The following MAPK1IP1L variants were observed in gnomAD, a reference collection of about 807,000 sequenced individuals.
MAPK1IP1L encodes the protein mitogen-activated protein kinase 1 interacting protein 1 like.
A neutral mutation model predicts 18.1 loss-of-function variants in MAPK1IP1L; 10 were observed. The ratio of observed to expected loss-of-function variants is 0.55; its 90% CI spans 0.34 to 0.94. The LOEUF is 0.94. MAPK1IP1L is among the 40% of genes least tolerant of loss of function. The pLI is 0.02. For synonymous variants in MAPK1IP1L, 115 were observed against 117.3 expected (o/e 0.98, Z 0.13); for missense variants, 260 against 318.2 (o/e 0.82, Z 1.39).
intron 1 of MAPK1IP1L, among the ~76,000 whole-genome samples, chr14:55,055,990 G>A (rs1241890756): frequency 6.6e-6 from 1 of 152,018 alleles, no homozygotes; most frequent in African/African-American, 2.4e-5. Context: ...TAATATGTTC[G>A]GACCTTAGGT....
At position 55,067,563 on chromosome 14, in the gene MAPK1IP1L, C is replaced by G. The variant is rs1287172150; in HGVS notation, c.*2936C>G. 3 of 152,064 alleles carry G rather than the reference C, an allele frequency of 2.0e-5. No individual in the cohort carries two copies. Among genetic ancestry groups the G allele is most frequent in the Non-Finnish European group, 4.4e-5 (3 of 68,072 alleles). The allele number at this position is 152,064 out of a possible 1,614,324, so 9.4% of individuals were successfully genotyped here. A position where few individuals can be genotyped will look rare whatever the true frequency, so the allele number is the denominator to read the frequency against. Reference sequence around the variant, plus strand: ...AGCTGGGATTACAGGTGCCCGCCACCACACCCATTTTTGTATTTTTAGTAG... The same window carrying G: ...AGCTGGGATTACAGGTGCCCGCCACGACACCCATTTTTGTATTTTTAGTAG... On this transcript the variant is annotated 3_prime_UTR_variant, in exon 4 of 4. Coordinates refer to ENST00000395468, the MANE Select transcript of MAPK1IP1L (RefSeq NM_144578.4).
At chr14:55,056,914 G>A (rs922438288) in intron 1 of MAPK1IP1L, among the ~76,000 whole-genome samples, 2 of 152,116 alleles carry the variant, frequency 1.3e-5, no homozygotes, top group Non-Finnish European at 2.9e-5. Context: ...ATCATAATTA[G>A]AAATAAGATG....
chr14:55,057,117 A>G (rs2042778258), intron 1 of MAPK1IP1L, among the ~76,000 whole-genome samples: 1 of 152,232 alleles, frequency 6.6e-6, no homozygotes, highest in Non-Finnish European at 1.5e-5. Context: ...TTAAAATCTC[A>G]AACTAAAAAT....
rs1418050403 is a variant in MAPK1IP1L, at chr14:55,066,865, G to C, written c.*2238G>C. 1 of 151,218 alleles carries C rather than the reference G, an allele frequency of 6.6e-6. No homozygotes were observed. The highest frequency in any genetic ancestry group is 2.4e-5 in the African/African-American group (1 of 41,062). 9.4% of individuals were successfully genotyped at this position (151,218 alleles called of 1,614,324 possible). A position where few individuals can be genotyped will look rare whatever the true frequency, so the allele number is the denominator to read the frequency against. On this transcript the variant is annotated 3_prime_UTR_variant, in exon 4 of 4. Transcript: ENST00000395468. ...ATCATACTGCTATTGTACTCCCTTTGTTTTCAAGGACTTTGCAACTGGTAT... is the reference window on the plus strand; with the variant it reads ...ATCATACTGCTATTGTACTCCCTTTCTTTTCAAGGACTTTGCAACTGGTAT...
At chr14:55,062,319 A>G (rs1002414990) in intron 2 of MAPK1IP1L, among the ~76,000 whole-genome samples, 6 of 152,242 alleles carry the variant, frequency 3.9e-5, no homozygotes, top group South Asian at 4.1e-4. Flanking sequence ...TGTTAGTTCT[A>G]TCTTCTTAAT....
rs1305440648 is a variant in MAPK1IP1L, at chr14:55,069,269, G to A, written c.*4642G>A. ...CACTGACAGTAATGACAAATTTAAT[G>A]TATGTAATTGTCTATGCATTTTAAG... is the stretch of plus-strand genomic sequence containing the variant. On this transcript the variant is annotated 3_prime_UTR_variant, in exon 4 of 4. Transcript: ENST00000395468. 1 of 152,580 alleles carries A rather than the reference G, an allele frequency of 6.6e-6. No individual in the cohort carries two copies. The highest frequency in any genetic ancestry group is 1.5e-5 in the Non-Finnish European group (1 of 68,026). 9.5% of individuals were successfully genotyped at this position (152,580 alleles called of 1,614,324 possible).
intron 1 of MAPK1IP1L, among the ~76,000 whole-genome samples, chr14:55,056,772 G>A (rs189566221): frequency 6.6e-6 from 1 of 152,194 alleles, no homozygotes; most frequent in Non-Finnish European, 1.5e-5. Flanking sequence ...GCCTCCCAAA[G>A]TGCTGGGATT....
intron 1 of MAPK1IP1L, among the ~76,000 whole-genome samples, chr14:55,061,014 A>C (rs1276870204): frequency 1.3e-5 from 2 of 152,008 alleles, no homozygotes. Flanking sequence ...GCTGGGCATG[A>C]TGGCACACAC....
At chr14:55,064,411 A>C (rs2042846181) in intron 3 of MAPK1IP1L, among the ~76,000 whole-genome samples, 1 of 152,134 alleles carries the variant, frequency 6.6e-6, no homozygotes, top group African/African-American at 2.4e-5. Context: ...AGTACCCCTA[A>C]AACTTCCTCC....
At chr14:55,053,132 G>A (rs1566761150) in intron 1 of MAPK1IP1L, among the ~76,000 whole-genome samples, 1 of 152,184 alleles carries the variant, frequency 6.6e-6, no homozygotes, top group Non-Finnish European at 1.5e-5. Flanking sequence ...AAAGATTTAT[G>A]GACCTAAAAG....
chr14:55,063,516 TC>T (rs2042837014), intron 3 of MAPK1IP1L, among the ~76,000 whole-genome samples, 191 bp downstream of exon 3: 1 of 152,064 alleles, frequency 6.6e-6, no homozygotes, highest in Non-Finnish European at 1.5e-5. Context: ...TTTTAAGTAT[TC>T]CTTGTGCTAA....
intron 1 of MAPK1IP1L, chr14:55,060,673 G>A (rs2042811168): frequency 6.6e-6 from 1 of 152,214 alleles, no homozygotes; most frequent in African/African-American, 2.4e-5. Flanking sequence ...TTGGAAAAGA[G>A]CATGAGTAAA....
In MAPK1IP1L at chr14:55,068,413, A is replaced by G. The variant is rs1371087466; in HGVS notation, c.*3786A>G. 1 of 152,632 alleles carries G rather than the reference A, an allele frequency of 6.6e-6. No individual in the cohort carries two copies. Among genetic ancestry groups the G allele is most frequent in the Non-Finnish European group, 1.5e-5 (1 of 68,034 alleles). 9.5% of individuals were successfully genotyped at this position (152,632 alleles called of 1,614,324 possible). On this transcript the variant is annotated 3_prime_UTR_variant, in exon 4 of 4. Transcript: ENST00000395468. ...AGCTCTACTCAGAGTTTTTGTCAAG[A>G]CTGTGCCTGGGTTGAATATCAGTCA... is the stretch of plus-strand genomic sequence containing the variant.
chr14:55,054,177 C>CTTTTTT (rs371063665), intron 1 of MAPK1IP1L, among the ~76,000 whole-genome samples: 4 of 127,268 alleles, frequency 3.1e-5, no homozygotes, highest in African/African-American at 8.6e-5. Context: ...TTTATATTTT[C>CTTTTTT]TTTTTTTTTT....
chr14:55,057,015 C>G (rs1002711216), intron 1 of MAPK1IP1L, among the ~76,000 whole-genome samples: 2 of 152,178 alleles, frequency 1.3e-5, no homozygotes, highest in Non-Finnish European at 2.9e-5. Flanking sequence ...ACTGAAAAGT[C>G]TTTTGAGGGA....
rs771095452 is a variant in MAPK1IP1L, at chr14:55,051,667, G to T, written c.-141G>T. 3 of 514,386 alleles carry T rather than the reference G, an allele frequency of 5.8e-6. No homozygotes were observed. Among genetic ancestry groups the T allele is most frequent in the Non-Finnish European group, 7.7e-6 (2 of 258,788 alleles). 31.9% of individuals were successfully genotyped at this position (514,386 alleles called of 1,614,324 possible). The stretch of plus-strand genomic sequence containing the variant: ...TCGGCGCTTCCTGTTCCGGCGCCAG[G>T]AGGAGCCGCGCGCTGCTGGTGCTGT... On this transcript the variant is annotated 5_prime_UTR_variant, in exon 1 of 4. Transcript: ENST00000395468.
At chr14:55,063,521 G>A (rs2042837060) in intron 3 of MAPK1IP1L, among the ~76,000 whole-genome samples, 196 bp downstream of exon 3, 1 of 151,962 alleles carries the variant, frequency 6.6e-6, no homozygotes. Flanking sequence ...AGTATTCCTT[G>A]TGCTAAAAAG....
chr14:55,053,229 A>G, intron 1 of MAPK1IP1L, among the ~76,000 whole-genome samples: 1 of 152,216 alleles, frequency 6.6e-6, no homozygotes, highest in Non-Finnish European at 1.5e-5. Flanking sequence ...GTTTTACAGC[A>G]AATCTATGAT....
In MAPK1IP1L at chr14:55,065,995, C is replaced by G. The variant is rs781499780; in HGVS notation, c.*1368C>G. The G allele has an allele frequency of 5.3e-5, 8 of 151,868 alleles. No homozygotes were observed. Among genetic ancestry groups the G allele is most frequent in the Admixed American group, 3.9e-4 (6 of 15,254 alleles). 9.4% of individuals were successfully genotyped at this position (151,868 alleles called of 1,614,324 possible). A position where few individuals can be genotyped will look rare whatever the true frequency, so the allele number is the denominator to read the frequency against. ...TTATAACCACCAAAAAAAAAAAGCCCTGGTAGTTTTTTGGCACCTTATGTT... is the reference window on the plus strand; with the variant it reads ...TTATAACCACCAAAAAAAAAAAGCCGTGGTAGTTTTTTGGCACCTTATGTT... On this transcript the variant is annotated 3_prime_UTR_variant, in exon 4 of 4. Transcript: ENST00000395468.
Sources: allele counts gnomAD v4.1 joint callset (sites outside exome capture counted in the v4.1 genomes callset), GRCh38; gene constraint gnomAD v4.1.1; transcripts MANE v1.5; gene names NCBI Gene and HGNC (gene_info 2026-07-23, HGNC 2026-07-21).